TMPPE: variants seen among roughly 807,000 people sequenced by gnomAD.
TMPPE encodes the protein transmembrane protein with metallophosphoesterase domain.
A neutral mutation model predicts 22.6 loss-of-function variants in TMPPE; 16 were observed. That is an observed-to-expected ratio of 0.71 (90% confidence interval 0.48 to 1.08). The LOEUF (loss-of-function observed/expected upper bound fraction) is 1.08, where lower values mean the gene tolerates loss of function less well. TMPPE is among the 50% of genes least tolerant of loss of function. TMPPE has a pLI of 0.00. For missense variants in TMPPE, 526 were observed against 584.3 expected (o/e 0.90, Z 1.03); for synonymous variants, 240 against 245.3 (o/e 0.98, Z 0.20).
chr3:33,090,876 C>T lies in TMPPE; in HGVS notation c.*1958G>A, dbSNP rs1700728634. ...CAGAGTGGATGAAGGGTACATAAGA[C>T]CACACAATGATGGCATTCAAGAGAA... On this transcript the variant is annotated 3_prime_UTR_variant, in exon 2 of 2. Coordinates refer to ENST00000342462, the MANE Select transcript of TMPPE (RefSeq NM_001039770.3). The T allele has an allele frequency of 1.0e-6, 1 of 985,014 alleles. No individual in the cohort carries two copies. Among genetic ancestry groups the T allele is most frequent in the South Asian group, 4.7e-5 (1 of 21,264 alleles). The allele number at this position is 985,014 out of a possible 1,614,324, so 61.0% of individuals were successfully genotyped here.
rs202056683 is a variant in TMPPE at position 33,092,913 on chromosome 3, C to T, written c.1283G>A (p.Gly428Asp). The change falls in exon 2 of 2, where the codon GGC (glycine) becomes GAC (aspartate). Residue 428 changes from glycine (G) to aspartate (D), a missense_variant. Transcript: ENST00000342462. ...AQATFVYVSP[G>D]TAYYGIPMRL... ...CATGGGTATCCCGTAGTAGGCTGTG[C>T]CTGGGCTGACATACACGAATGTAGC... 4.7e-5 allele frequency: 76 copies of T among 1,614,052 alleles called. No homozygotes were observed. Among genetic ancestry groups the T allele is most frequent in the Admixed American group, 8.3e-5 (5 of 59,998 alleles).
chr3:33,093,903 G>C lies in TMPPE; in HGVS notation c.293C>G (p.Ser98Cys). 6.2e-7 allele frequency: 1 copy of C among 1,614,016 alleles called. No homozygotes were observed. The highest frequency in any genetic ancestry group is 2.2e-5 in the East Asian group (1 of 44,884). ...TAAAAAGAACATGGTAAAGAAACTG[G>C]AATGGGCCAGGGCCAGAAATGCCAG... ...VVLAFLALAH[S>C]SFFTMFFLVA... Residue 98 changes from serine (S) to cysteine (C), a missense_variant, in exon 2 of 2, where the codon TCC becomes TGC. Coordinates refer to ENST00000342462, the MANE Select transcript of TMPPE (RefSeq NM_001039770.3). The surrounding 1 kb of genome is among the most constrained non-coding windows in gnomAD (Gnocchi z 6.0).
At position 33,097,081 on chromosome 3, in the gene TMPPE, G is replaced by C. The variant is rs779544911; in HGVS notation, c.-471C>G. The C allele has an allele frequency of 2.0e-5, 33 of 1,612,428 alleles. No individual in the cohort carries two copies. The Admixed American group carries it at 5.5e-4, about 27-fold the overall frequency. On this transcript the variant is annotated 5_prime_UTR_variant, in exon 1 of 2. Transcript: ENST00000342462. The stretch of plus-strand genomic sequence containing the variant: ...AGGGAGGATGCGAACCAGGAACCCC[G>C]GCATGACCACCAGCCTCCCGGCTCT...
Position 33,093,719 on chromosome 3 carries a change from T to C in TMPPE, c.477A>G (p.Thr159=). Residue 159 remains threonine (T), a synonymous_variant, in exon 2 of 2, where the codon ACA becomes ACG. Transcript: ENST00000342462. The surrounding 1 kb of genome is among the most constrained non-coding windows in gnomAD (Gnocchi z 6.0). ...SGRVVGSLEK[T]RKLVLRPALA... ...GGGCAGGCCTGAGCACGAGCTTCCT[T>C]GTCTTCTCAAGGCTGCCCACGACCC... The C allele has an allele frequency of 1.9e-6, 3 of 1,614,070 alleles. No homozygotes were observed. Among genetic ancestry groups the C allele is most frequent in the Non-Finnish European group, 2.5e-6 (3 of 1,179,980 alleles).
At chr3:33,094,372 G>A in intron 1 of TMPPE, 69 bp from the exon 2 acceptor site, 1 of 1,371,502 alleles carries the variant, frequency 7.3e-7, no homozygotes, top group Non-Finnish European at 9.4e-7. Context: ...AAAACTCAAA[G>A]GCCACTTACA....
Position 33,090,473 on chromosome 3 carries a change from A to G in TMPPE, c.*2361T>C. On this transcript the variant is annotated 3_prime_UTR_variant, in exon 2 of 2. Coordinates refer to ENST00000342462, the MANE Select transcript of TMPPE (RefSeq NM_001039770.3). ...TTTATTGAGATTTTGTGACAGCATCATATACTACAGACACTATTGCTGATT... is the reference window on the plus strand; with the variant it reads ...TTTATTGAGATTTTGTGACAGCATCGTATACTACAGACACTATTGCTGATT... The G allele has an allele frequency of 1.0e-6, 1 of 985,492 alleles. No individual in the cohort carries two copies. Among genetic ancestry groups the G allele is most frequent in the Non-Finnish European group, 1.2e-6 (1 of 829,946 alleles). 61.0% of individuals were successfully genotyped at this position (985,492 alleles called of 1,614,324 possible). A position where few individuals can be genotyped will look rare whatever the true frequency, so the allele number is the denominator to read the frequency against.
At chr3:33,096,462 C>T in intron 1 of TMPPE, 7 of 985,004 alleles carry the variant, frequency 7.1e-6, no homozygotes, top group Non-Finnish European at 8.4e-6. Context: ...AAAGAAAAAC[C>T]CAAGCCAAAG....
Position 33,092,693 on chromosome 3 carries a change from GT to G in TMPPE, c.*140del, listed in dbSNP as rs1700815778. 3.5e-6 allele frequency: 5 copies of G among 1,437,988 alleles called. No homozygotes were observed. In the South Asian group the frequency reaches 7.9e-5, roughly 23 times the overall value. The allele number at this position is 1,437,988 out of a possible 1,614,324, so 89.1% of individuals were successfully genotyped here. A position where few individuals can be genotyped will look rare whatever the true frequency, so the allele number is the denominator to read the frequency against. ...CCAGGCAGGCCCACCATAAGTCACTGTTTGAGTCAGGCTTGTGACCAAGGGT... is the reference window on the plus strand; with the variant it reads ...CCAGGCAGGCCCACCATAAGTCACTGTTGAGTCAGGCTTGTGACCAAGGGT... On this transcript the variant is annotated 3_prime_UTR_variant, in exon 2 of 2. Coordinates refer to ENST00000342462, the MANE Select transcript of TMPPE (RefSeq NM_001039770.3).
Position 33,096,907 on chromosome 3 carries a change from G to C in TMPPE, c.-297C>G. 4 of 1,518,976 alleles carry C rather than the reference G, an allele frequency of 2.6e-6. 1 individual carries two copies. The South Asian group carries it at 4.9e-5, about 19-fold the overall frequency. 94.1% of individuals were successfully genotyped at this position (1,518,976 alleles called of 1,614,324 possible). On this transcript the variant is annotated 5_prime_UTR_variant, in exon 1 of 2. Coordinates refer to ENST00000342462, the MANE Select transcript of TMPPE (RefSeq NM_001039770.3). ...CTGCTGGGGGGCACTTCGGGGCTCA[G>C]GCTCCCCGCCCTGCGGGACCGCGGG...
Position 33,093,568 on chromosome 3 carries a change from C to A in TMPPE, c.628G>T (p.Val210Leu). 1 of 1,614,156 alleles carries A rather than the reference C, an allele frequency of 6.2e-7. No individual in the cohort carries two copies. The change falls in exon 2 of 2, where the codon GTG (valine) becomes TTG (leucine). Residue 210 changes from valine to leucine, a missense_variant. Transcript: ENST00000342462. The surrounding 1 kb of genome is among the most constrained non-coding windows in gnomAD (Gnocchi z 6.0). ...LPASMNNLKI[V>L]LLSDIHLGPT... ...CCCAAGTGAATGTCTGAGAGGAGCA[C>A]GATCTTGAGGTTGTTCATTGAGGCA...
chr3:33,093,304 G>A lies in TMPPE; in HGVS notation c.892C>T (p.Gln298Ter). 6.2e-7 allele frequency: 1 copy of A among 1,614,186 alleles called. No individual in the cohort carries two copies. Among genetic ancestry groups the A allele is most frequent in the Non-Finnish European group, 8.5e-7 (1 of 1,180,040 alleles). The change falls in exon 2 of 2, where the codon CAG (glutamine) becomes TAG (stop). Residue 298 changes from glutamine to a stop codon, truncating the protein, a stop_gained. Coordinates refer to ENST00000342462, the MANE Select transcript of TMPPE (RefSeq NM_001039770.3). LOFTEE classifies it high-confidence loss of function. The surrounding 1 kb of genome is among the most constrained non-coding windows in gnomAD (Gnocchi z 6.0). Reference sequence around the variant, plus strand: ...TTCACGTTCTCATTATGAAGAGGCTGGACATGCAGGGATTCCAGAAGTGCA... The same window carrying A: ...TTCACGTTCTCATTATGAAGAGGCTAGACATGCAGGGATTCCAGAAGTGCA... ...WFALLESLHV[Q>*]PLHNENVKIS...
Position 33,092,638 on chromosome 3 carries a change from C to G in TMPPE, c.*196G>C. 1 of 1,364,410 alleles carries G rather than the reference C, an allele frequency of 7.3e-7. No homozygotes were observed. The highest frequency in any genetic ancestry group is 9.4e-7 in the Non-Finnish European group (1 of 1,059,894). 84.5% of individuals were successfully genotyped at this position (1,364,410 alleles called of 1,614,324 possible). ...AAGTGCATCAAAAAAAGCAACTGGC[C>G]AAGGAAATAGTTAAACCAGCCTGAA... On this transcript the variant is annotated 3_prime_UTR_variant, in exon 2 of 2. Coordinates refer to ENST00000342462, the MANE Select transcript of TMPPE (RefSeq NM_001039770.3).
chr3:33,091,710 G>A lies in TMPPE; in HGVS notation c.*1124C>T. 3.0e-6 allele frequency: 3 copies of A among 985,368 alleles called. No individual in the cohort carries two copies. Among genetic ancestry groups the A allele is most frequent in the South Asian group, 9.4e-5 (2 of 21,276 alleles). The allele number at this position is 985,368 out of a possible 1,614,324, so 61.0% of individuals were successfully genotyped here. A position where few individuals can be genotyped will look rare whatever the true frequency, so the allele number is the denominator to read the frequency against. ...GAGGGAAAGTCACCCACCCAACGCT[G>A]CCCTATGAGTGAGCAGCAGGGTTAG... is the stretch of plus-strand genomic sequence containing the variant. On this transcript the variant is annotated 3_prime_UTR_variant, in exon 2 of 2. Coordinates refer to ENST00000342462, the MANE Select transcript of TMPPE (RefSeq NM_001039770.3).
chr3:33,091,378 G>A lies in TMPPE; in HGVS notation c.*1456C>T, dbSNP rs559819297. The A allele has an allele frequency of 3.5e-5, 34 of 985,504 alleles. No individual in the cohort carries two copies. In the South Asian group the frequency reaches 1.5e-3, roughly 42 times the overall value. The allele number at this position is 985,504 out of a possible 1,614,324, so 61.0% of individuals were successfully genotyped here. A position where few individuals can be genotyped will look rare whatever the true frequency, so the allele number is the denominator to read the frequency against. ...CCTTTGCCTGCCAGAATGCACATGA[G>A]GGAAGGAAGGCAAACCCCTAGCAGT... On this transcript the variant is annotated 3_prime_UTR_variant, in exon 2 of 2. Transcript: ENST00000342462.
rs915471920 is a variant in TMPPE at position 33,091,215 on chromosome 3, C to T, written c.*1619G>A. The T allele has an allele frequency of 1.0e-6, 1 of 985,332 alleles. No individual in the cohort carries two copies. The highest frequency in any genetic ancestry group is 1.7e-5 in the African/African-American group (1 of 57,232). 61.0% of individuals were successfully genotyped at this position (985,332 alleles called of 1,614,324 possible). ...AAGAATAAGGAAACCACCAAAATTTCAACTCAAAGATACATTTTAAACTGC... is the reference window on the plus strand; with the variant it reads ...AAGAATAAGGAAACCACCAAAATTTTAACTCAAAGATACATTTTAAACTGC... On this transcript the variant is annotated 3_prime_UTR_variant, in exon 2 of 2. Transcript: ENST00000342462.
In TMPPE at chr3:33,093,990, C is replaced by T. The variant is rs149671326; in HGVS notation, c.206G>A (p.Ser69Asn). 89 of 1,614,044 alleles carry T rather than the reference C, an allele frequency of 5.5e-5. No individual in the cohort carries two copies. Among genetic ancestry groups the T allele is most frequent in the Non-Finnish European group, 7.2e-5 (85 of 1,180,028 alleles). ...TGCAGCTGGGGAGTGGCAGAGGTTG[C>T]TCACTGTGCTGCGCCAAATGTAGAG... is the stretch of plus-strand genomic sequence containing the variant. ...GSLYIWRSTV[S>N]NLCHSPAAES... is the part of the protein sequence containing the mutation. The change falls in exon 2 of 2, where the codon AGC becomes AAC. Residue 69 changes from serine to asparagine, a missense_variant. Coordinates refer to ENST00000342462, the MANE Select transcript of TMPPE (RefSeq NM_001039770.3). The surrounding 1 kb of genome is among the most constrained non-coding windows in gnomAD (Gnocchi z 6.0).
rs557819483 is a variant in TMPPE at position 33,092,507 on chromosome 3, C to T, written c.*327G>A. On this transcript the variant is annotated 3_prime_UTR_variant, in exon 2 of 2. Coordinates refer to ENST00000342462, the MANE Select transcript of TMPPE (RefSeq NM_001039770.3). Reference sequence around the variant, plus strand: ...TCTAGAGGTATGCCTTTCTAGCAACCCCGAGGGGAGGTTCATCCCTGGGAG... The same window carrying T: ...TCTAGAGGTATGCCTTTCTAGCAACTCCGAGGGGAGGTTCATCCCTGGGAG... 1 of 1,093,032 alleles carries T rather than the reference C, an allele frequency of 9.1e-7. No homozygotes were observed. Among genetic ancestry groups the T allele is most frequent in the South Asian group, 3.9e-5 (1 of 25,498 alleles). The allele number at this position is 1,093,032 out of a possible 1,614,324, so 67.7% of individuals were successfully genotyped here. A position where few individuals can be genotyped will look rare whatever the true frequency, so the allele number is the denominator to read the frequency against.
In TMPPE at chr3:33,090,495, G is replaced by A. The variant is rs78125532; in HGVS notation, c.*2339C>T. ...ATCATATACTACAGACACTATTGCT[G>A]ATTTTCAAAAAGCATTGCATTTCAA... is the stretch of plus-strand genomic sequence containing the variant. On this transcript the variant is annotated 3_prime_UTR_variant, in exon 2 of 2. Coordinates refer to ENST00000342462, the MANE Select transcript of TMPPE (RefSeq NM_001039770.3). The A allele has an allele frequency of 4.9e-3, 4,833 of 985,278 alleles. 153 individuals carry two copies. In the African/African-American group the frequency reaches 0.073, roughly 15 times the overall value. 61.0% of individuals were successfully genotyped at this position (985,278 alleles called of 1,614,324 possible).
In TMPPE at chr3:33,093,202, C is replaced by A. The variant is rs751743888; in HGVS notation, c.994G>T (p.Ala332Ser). 1 of 1,613,876 alleles carries A rather than the reference C, an allele frequency of 6.2e-7. No individual in the cohort carries two copies. The highest frequency in any genetic ancestry group is 2.2e-5 in the East Asian group (1 of 44,874). Reference protein sequence around the residue: ...GSEDEDWICLAGVDDIEADIL... With the variant: ...GSEDEDWICLSGVDDIEADIL... Reference sequence around the variant, plus strand: ...TCTGCTTCAATATCGTCCACCCCAGCCAAGCAGATCCAGTCCTCATCCTCA... The same window carrying A: ...TCTGCTTCAATATCGTCCACCCCAGACAAGCAGATCCAGTCCTCATCCTCA... The change falls in exon 2 of 2, where the codon GCT becomes TCT. Residue 332 changes from alanine (A) to serine (S), a missense_variant. Coordinates refer to ENST00000342462, the MANE Select transcript of TMPPE (RefSeq NM_001039770.3). The surrounding 1 kb of genome is among the most constrained non-coding windows in gnomAD (Gnocchi z 6.0).
Sources: allele counts gnomAD v4.1 joint callset, GRCh38; gene constraint gnomAD v4.1.1; non-coding constraint Gnocchi (gnomAD v3.1); transcripts MANE v1.5; gene names NCBI Gene and HGNC (gene_info 2026-07-23, HGNC 2026-07-21).